The following UVRAG variants were observed in gnomAD, a reference collection of about 807,000 sequenced individuals.
UVRAG encodes the protein UV radiation resistance-associated gene protein.
Under a neutral mutation model 78.0 loss-of-function variants are expected in UVRAG, and 19 were observed. The ratio of observed to expected loss-of-function variants is 0.24; its 90% CI spans 0.17 to 0.36. The LOEUF is 0.36. Ranked by LOEUF, UVRAG falls within the 10% of genes least tolerant of loss-of-function variation. The pLI is 1.00. For missense variants in UVRAG, 740 were observed against 853.8 expected (o/e 0.87, Z 1.66); for synonymous variants, 323 against 324.6 (o/e 1.00, Z 0.05).
At chr11:75,916,554 A>C (rs1423351894) in intron 6 of UVRAG, 1 of 152,140 alleles carries the variant, frequency 6.6e-6, no homozygotes, top group Admixed American at 6.6e-5. Flanking sequence ...AGTGTTTTCC[A>C]TATCTGCTTT....
chr11:76,040,665 C>T (rs540740446), intron 12 of UVRAG, among the ~76,000 whole-genome samples: 5 of 152,122 alleles, frequency 3.3e-5, no homozygotes, highest in South Asian at 4.1e-4. Context: ...AAGCAATTCT[C>T]GTGCCTCAGC....
chr11:75,860,536 G>A (rs1360264718), intron 2 of UVRAG, among the ~76,000 whole-genome samples: 1 of 152,084 alleles, frequency 6.6e-6, no homozygotes, highest in Admixed American at 6.5e-5. Context: ...TATGGTGCGT[G>A]TATGTTAGGA....
chr11:75,908,055 CTT>C (rs756515564), intron 5 of UVRAG, among the ~76,000 whole-genome samples: 2 of 152,124 alleles, frequency 1.3e-5, no homozygotes, highest in Non-Finnish European at 2.9e-5. Context: ...AACTGAAACT[CTT>C]TATTAAACAA....
At chr11:75,864,943 G>A (rs1466296129) in intron 3 of UVRAG, among the ~76,000 whole-genome samples, 1 of 152,148 alleles carries the variant, frequency 6.6e-6, no homozygotes, top group Non-Finnish European at 1.5e-5. Flanking sequence ...AGACCAGAGT[G>A]GCTTGGTTTC....
intron 3 of UVRAG, among the ~76,000 whole-genome samples, chr11:75,865,287 C>CA (rs1195072746): frequency 0.17 from 7,417 of 44,754 alleles, 670 homozygotes; most frequent in African/African-American, 0.3. Context: ...AACTCCATCT[C>CA]AAAAAAAAAA....
chr11:76,086,085 T>G (rs1006455315), intron 13 of UVRAG, among the ~76,000 whole-genome samples: 10 of 152,220 alleles, frequency 6.6e-5, no homozygotes, highest in African/African-American at 1.9e-4. Context: ...ACAACCTGCT[T>G]TAAATAAGTA....
At chr11:75,852,798 A>T (rs764078015) in intron 2 of UVRAG, among the ~76,000 whole-genome samples, 13 of 152,192 alleles carry the variant, frequency 8.5e-5, no homozygotes, top group Non-Finnish European at 1.6e-4. Context: ...TCTCAGTAAG[A>T]TGTGATTAAA....
At chr11:75,959,236 C>T (rs1479655226) in intron 6 of UVRAG, among the ~76,000 whole-genome samples, 1 of 152,248 alleles carries the variant, frequency 6.6e-6, no homozygotes, top group Admixed American at 6.5e-5. Context: ...GACTTCTCCT[C>T]TCTAGCTATG....
intron 4 of UVRAG, among the ~76,000 whole-genome samples, chr11:75,886,659 G>A (rs547759655): frequency 6.6e-6 from 1 of 152,142 alleles, no homozygotes; most frequent in Non-Finnish European, 1.5e-5. Context: ...GGATAAACAG[G>A]GAGTATGTGA....
intron 13 of UVRAG, among the ~76,000 whole-genome samples, chr11:76,108,074 C>T (rs1952002390): frequency 6.6e-6 from 1 of 152,102 alleles, no homozygotes; most frequent in Admixed American, 6.5e-5. Context: ...CATTCCCTCA[C>T]GATAACACAC....
chr11:75,954,038 C>T (rs1948750699), intron 6 of UVRAG, among the ~76,000 whole-genome samples: 1 of 152,114 alleles, frequency 6.6e-6, no homozygotes, highest in South Asian at 2.1e-4. Context: ...TTAGTTAGTC[C>T]TTCACCTCTT....
intron 12 of UVRAG, 34 bp downstream of exon 12, chr11:76,017,014 C>T (rs1451599936): frequency 6.6e-7 from 1 of 1,508,420 alleles, no homozygotes; most frequent in Non-Finnish European, 9.0e-7. Flanking sequence ...ATGATTTTAA[C>T]ATCAAGCCAG....
intron 1 of UVRAG, among the ~76,000 whole-genome samples, chr11:75,845,902 A>G (rs1410103178): frequency 6.6e-6 from 1 of 152,202 alleles, no homozygotes; most frequent in Non-Finnish European, 1.5e-5. Context: ...GTTATGTCAC[A>G]GACATGAAAG....
chr11:76,009,537 C>A (rs1013105666), intron 11 of UVRAG, among the ~76,000 whole-genome samples: 2 of 152,084 alleles, frequency 1.3e-5, no homozygotes, highest in African/African-American at 4.8e-5. Context: ...TGCTTTGAGG[C>A]CTACTAAATA....
chr11:76,007,887 C>G (rs1949977599), intron 10 of UVRAG, among the ~76,000 whole-genome samples: 2 of 151,768 alleles, frequency 1.3e-5, no homozygotes, highest in African/African-American at 4.8e-5. Flanking sequence ...GATCTTTTTA[C>G]TTAACCACAT....
intron 13 of UVRAG, among the ~76,000 whole-genome samples, chr11:76,115,124 G>T (rs537334941): frequency 1.3e-5 from 2 of 152,306 alleles, no homozygotes; most frequent in African/African-American, 2.4e-5. Context: ...GAAGCAAATG[G>T]TGATACTCAG....
intron 2 of UVRAG, among the ~76,000 whole-genome samples, chr11:75,861,185 A>G (rs1386859907): frequency 1.3e-5 from 2 of 152,174 alleles, no homozygotes; most frequent in Admixed American, 6.5e-5. Flanking sequence ...TCAATTCTCT[A>G]AGTTGTCTTA....
intron 8 of UVRAG, among the ~76,000 whole-genome samples, chr11:75,988,036 C>T (rs902801296): frequency 7.9e-5 from 12 of 152,160 alleles, no homozygotes; most frequent in African/African-American, 2.7e-4. Flanking sequence ...CCAGCCCGGC[C>T]GCATTAACTG....
intron 1 of UVRAG, among the ~76,000 whole-genome samples, chr11:75,821,124 G>GTCT (rs1555067930): frequency 6.6e-6 from 1 of 151,988 alleles, no homozygotes; most frequent in East Asian, 1.9e-4. Context: ...TCTACTTTCT[G>GTCT]TCTCTATGAA....
Sources: gnomAD v4.1 joint callset for allele counts (sites outside exome capture counted in the v4.1 genomes callset) on GRCh38, gnomAD v4.1.1 for gene constraint, MANE v1.5 for transcripts, NCBI Gene and HGNC (gene_info 2026-07-23, HGNC 2026-07-21) for gene names.